The following KLRG1 variants were observed in gnomAD, a reference collection of about 807,000 sequenced individuals.
KLRG1 encodes the protein killer cell lectin like receptor G1.
A neutral mutation model predicts 21.8 loss-of-function variants in KLRG1; 16 were observed. The ratio of observed to expected loss-of-function variants is 0.73; its 90% confidence interval spans 0.50 to 1.11. The LOEUF is 1.11. KLRG1 is among the 50% of genes most tolerant of loss of function. The pLI, the probability that KLRG1 is intolerant of heterozygous loss-of-function variation, is 0.00. For missense variants in KLRG1, 173 were observed against 218.3 expected (o/e 0.79, Z 1.31); for synonymous variants, 69 against 75.9 (o/e 0.91, Z 0.47).
At chr12:9,148,151 C>T in the KLRG1 span, among the ~76,000 whole-genome samples, 92,386 of 152,010 alleles carry the variant, frequency 0.61, 28,467 homozygotes, top group East Asian at 0.9. Flanking sequence ...CCATGTACAA[C>T]GTTTTGAAAT....
chr12:9,125,966 C>T, the KLRG1 span, among the ~76,000 whole-genome samples: 22 of 152,224 alleles, frequency 1.4e-4, no homozygotes, highest in African/African-American at 5.3e-4. Flanking sequence ...AACTCCTGAG[C>T]TTGTGATCCA....
intron 1 of KLRG1, among the ~76,000 whole-genome samples, chr12:8,953,836 C>G (rs915541791): frequency 6.6e-6 from 1 of 152,136 alleles, no homozygotes; most frequent in Non-Finnish European, 1.5e-5. Context: ...GCTGTTACTT[C>G]TAGGGCTGAA....
At chr12:8,955,761 G>C (rs940585903) in intron 1 of KLRG1, among the ~76,000 whole-genome samples, 2 of 151,960 alleles carry the variant, frequency 1.3e-5, no homozygotes, top group African/African-American at 4.8e-5. Context: ...TAAATGGACA[G>C]ATACTGATAG....
the KLRG1 span, chr12:9,180,922 G>C: frequency 2.7e-5 from 41 of 1,542,910 alleles, 1 homozygote; most frequent in African/African-American, 4.2e-5. Flanking sequence ...GCTAATAGAG[G>C]CTTCTTGATC....
chr12:9,096,591 T>C, the KLRG1 span, among the ~76,000 whole-genome samples: 3 of 152,220 alleles, frequency 2.0e-5, no homozygotes, highest in African/African-American at 7.2e-5. Context: ...CTAGGCATGA[T>C]GCTTTCAAGT....
rs754909941 is a variant in KLRG1, at chr12:8,967,122, G to A, written c.-156+16886G>A. ...ACACCGCATGTTCTCACTCATAGGTGGGACTTGAACTATGAGAACACATGG... is the reference window on the plus strand; with the variant it reads ...ACACCGCATGTTCTCACTCATAGGTAGGACTTGAACTATGAGAACACATGG... On this transcript the variant is annotated intron_variant, in intron 1 of 4. Transcript: ENST00000539240. Among the ~76,000 whole-genome samples the A allele has an allele frequency of 2.7e-5, 4 of 146,512 alleles. No homozygotes were observed. In the Admixed American group the frequency reaches 2.8e-4, roughly 10 times the overall value.
chr12:9,127,304 C>A, the KLRG1 span, among the ~76,000 whole-genome samples: 3 of 152,178 alleles, frequency 2.0e-5, no homozygotes, highest in Non-Finnish European at 4.4e-5. Flanking sequence ...GCTTTAAATT[C>A]TGTGGCAGTC....
At chr12:9,187,798 T>C in the KLRG1 span, among the ~76,000 whole-genome samples, 1 of 152,212 alleles carries the variant, frequency 6.6e-6, no homozygotes, top group Non-Finnish European at 1.5e-5. Context: ...GTGCAGGTGA[T>C]CCATGCTACA....
chr12:9,091,687 G>A, the KLRG1 span, among the ~76,000 whole-genome samples: 5 of 152,186 alleles, frequency 3.3e-5, no homozygotes, highest in East Asian at 5.8e-4. Context: ...GTTTGAGATT[G>A]TTCTTAAGTT....
chr12:9,028,111 G>A, the KLRG1 span: 20 of 892,382 alleles, frequency 2.2e-5, no homozygotes, highest in South Asian at 2.4e-4. Context: ...TTTCCAAACT[G>A]TTCAAAATTA....
At chr12:8,998,791 C>A (rs890263501) in intron 3 of KLRG1, among the ~76,000 whole-genome samples, 5 of 151,908 alleles carry the variant, frequency 3.3e-5, no homozygotes, top group African/African-American at 1.2e-4. Context: ...TTCAACAAGA[C>A]AACTTTTTCT....
At chr12:8,965,064 A>G (rs899984300) in intron 1 of KLRG1, among the ~76,000 whole-genome samples, 13 of 152,210 alleles carry the variant, frequency 8.5e-5, no homozygotes, top group Non-Finnish European at 1.8e-4. Context: ...TCCAATATAT[A>G]AACAGAACCA....
chr12:9,202,623 G>A, the KLRG1 span: 218 of 1,614,048 alleles, frequency 1.4e-4, 1 homozygote, highest in East Asian at 3.3e-4. Context: ...GAAATCTTGC[G>A]TAGGCCCCTT....
At chr12:9,165,077 C>G in the KLRG1 span, 1 of 1,535,926 alleles carries the variant, frequency 6.5e-7, no homozygotes, top group Non-Finnish European at 9.0e-7. Context: ...GAATCAGTAG[C>G]TGACTGATCA....
At chr12:9,168,996 A>G in the KLRG1 span, 4 of 1,527,578 alleles carry the variant, frequency 2.6e-6, no homozygotes, top group Non-Finnish European at 2.7e-6. Flanking sequence ...TAATTGTTCA[A>G]TCTACTTGTA....
chr12:9,095,439 C>T, the KLRG1 span: 2 of 1,171,932 alleles, frequency 1.7e-6, no homozygotes, highest in Non-Finnish European at 1.2e-6. Context: ...TATCCCATTA[C>T]CCTCAACTAG....
chr12:9,088,647 A>C, the KLRG1 span, among the ~76,000 whole-genome samples: 1 of 152,088 alleles, frequency 6.6e-6, no homozygotes, highest in African/African-American at 2.4e-5. Context: ...TGTGCTGATA[A>C]ATTTCTTAGT....
At chr12:9,106,154 C>A in the KLRG1 span, 2 of 775,726 alleles carry the variant, frequency 2.6e-6, no homozygotes, top group Non-Finnish European at 4.3e-6. Flanking sequence ...ATTAACCAGG[C>A]ATGGTTTTAG....
the KLRG1 span, among the ~76,000 whole-genome samples, chr12:9,188,902 T>C: frequency 1.3e-5 from 2 of 152,020 alleles, no homozygotes; most frequent in Non-Finnish European, 2.9e-5. Context: ...GGAAAAATAT[T>C]CCATGCTCAT....
Sources: gnomAD v4.1 joint callset for allele counts (sites outside exome capture counted in the v4.1 genomes callset) on GRCh38, gnomAD v4.1.1 for gene constraint, MANE v1.5 for transcripts, NCBI Gene and HGNC (gene_info 2026-07-23, HGNC 2026-07-21) for gene names.